ADCY2: variants seen among roughly 807,000 people sequenced by gnomAD.
ADCY2 encodes adenylate cyclase type 2.
In ADCY2, 31 loss-of-function variants were observed where a neutral mutation model predicts 125.2. The ratio of observed to expected loss-of-function variants is 0.25; its 90% CI spans 0.19 to 0.33. The LOEUF (loss-of-function observed/expected upper bound fraction) is 0.33, where lower values mean the gene tolerates loss of function less well. Among genes scored for constraint, ADCY2 ranks in the 10% least tolerant of loss-of-function variants. ADCY2 has a pLI of 1.00. For missense variants in ADCY2, 904 were observed against 1,418.2 expected (o/e 0.64, Z 5.82); for synonymous variants, 512 against 548.4 (o/e 0.93, Z 0.93).
At chr5:7,420,065 G>A (rs147325762) in intron 2 of ADCY2, among the ~76,000 whole-genome samples, 1,711 of 152,222 alleles carry the variant, frequency 0.011, 38 homozygotes, top group African/African-American at 0.039. Flanking sequence ...TGCACCCCCC[G>A]GGGACATGTG....
At chr5:7,559,487 G>A (rs62341555) in intron 3 of ADCY2, among the ~76,000 whole-genome samples, 8,556 of 152,144 alleles carry the variant, frequency 0.056, 297 homozygotes, top group Middle Eastern at 0.11. Flanking sequence ...GACCGTTGTT[G>A]GTGTATAGGA....
At chr5:7,526,397 C>T (rs543613531) in intron 3 of ADCY2, among the ~76,000 whole-genome samples, 3 of 152,018 alleles carry the variant, frequency 2.0e-5, no homozygotes, top group Admixed American at 6.5e-5. Context: ...TTCCAGTGTT[C>T]GGTAGTATGG....
intron 2 of ADCY2, among the ~76,000 whole-genome samples, chr5:7,419,521 G>A (rs1358118224): frequency 1.3e-5 from 2 of 152,294 alleles, no homozygotes; most frequent in South Asian, 2.1e-4. Flanking sequence ...ATCACGTCCT[G>A]CCTGCACAGC....
chr5:7,425,333 A>G (rs1450974010), intron 2 of ADCY2, among the ~76,000 whole-genome samples: 1 of 152,204 alleles, frequency 6.6e-6, no homozygotes, highest in Non-Finnish European at 1.5e-5. Context: ...CTTCTGCATC[A>G]TCTCCCTTGT....
chr5:7,704,542 G>A (rs1741198810), intron 7 of ADCY2, among the ~76,000 whole-genome samples: 2 of 152,048 alleles, frequency 1.3e-5, no homozygotes, highest in Non-Finnish European at 2.9e-5. Flanking sequence ...TGACTTCAAC[G>A]TTTTTCTATA....
intron 3 of ADCY2, among the ~76,000 whole-genome samples, chr5:7,614,782 G>A (rs1174672890): frequency 6.6e-6 from 1 of 152,192 alleles, no homozygotes; most frequent in African/African-American, 2.4e-5. Context: ...CCTGTGCCAG[G>A]ACACAGGTTT....
intron 14 of ADCY2, among the ~76,000 whole-genome samples, chr5:7,741,846 C>CACCATACCATCATCATCCCT: frequency 6.6e-6 from 1 of 151,824 alleles, no homozygotes; most frequent in Non-Finnish European, 1.5e-5. Context: ...TCATCATCGT[C>CACCATACCATCATCATCCCT]ATCACCATCA....
chr5:7,463,010 G>T (rs1741969117), intron 2 of ADCY2, among the ~76,000 whole-genome samples: 1 of 152,208 alleles, frequency 6.6e-6, no homozygotes, highest in East Asian at 1.9e-4. Flanking sequence ...GGAGGGCTTT[G>T]TGATACCTGA....
chr5:7,621,394 CAT>C (rs1487757668), intron 3 of ADCY2, among the ~76,000 whole-genome samples: 3 of 152,360 alleles, frequency 2.0e-5, no homozygotes, highest in Non-Finnish European at 2.9e-5. Flanking sequence ...TAAAAAATAA[CAT>C]GTGTCTCTTT....
chr5:7,816,984 C>A lies in ADCY2; in HGVS notation c.2998+4C>A. 1 of 1,611,310 alleles carries A rather than the reference C, an allele frequency of 6.2e-7. No homozygotes were observed. The highest frequency in any genetic ancestry group is 1.1e-5 in the South Asian group (1 of 91,008). On this transcript the variant is annotated splice_donor_region_variant and intron_variant, in intron 23 of 24. Coordinates refer to ENST00000338316, the MANE Select transcript of ADCY2 (RefSeq NM_020546.3). ...AACGACTTCAAATTGCGAGTGGGTA[C>A]GTTCTGCAAAAGAGGTCTCGGTTTC...
intron 1 of ADCY2, among the ~76,000 whole-genome samples, chr5:7,401,694 T>C (rs1158045183): frequency 4.6e-5 from 7 of 152,224 alleles, no homozygotes; most frequent in Admixed American, 4.6e-4. Flanking sequence ...GTCTGAGAAG[T>C]CCTGGCATAT....
chr5:7,633,201 C>T lies in ADCY2; in HGVS notation c.720+6885C>T, dbSNP rs10042875. ...ATCCCAGCACTTTGGGAGGCCGAGG[C>T]GGGCGGATCACCTGAGGTCAGGAGT... On this transcript the variant is annotated intron_variant, in intron 4 of 24. Transcript: ENST00000338316. Among the ~76,000 whole-genome samples the T allele has an allele frequency of 4.0e-3, 613 of 151,854 alleles. 1 individual carries two copies. The highest frequency in any genetic ancestry group is 0.014 in the African/African-American group (566 of 41,422).
chr5:7,708,714 A>G (rs1027436885), intron 9 of ADCY2, among the ~76,000 whole-genome samples: 15 of 152,194 alleles, frequency 9.9e-5, no homozygotes, highest in African/African-American at 3.6e-4. Flanking sequence ...CAAACTTTCA[A>G]CTAGCTTGAT....
At chr5:7,552,513 G>T (rs1345442873) in intron 3 of ADCY2, among the ~76,000 whole-genome samples, 1 of 152,088 alleles carries the variant, frequency 6.6e-6, no homozygotes, top group Non-Finnish European at 1.5e-5. Context: ...TTTATCTGTT[G>T]TGCCTAACTT....
chr5:7,658,482 G>T (rs890142430), intron 4 of ADCY2, among the ~76,000 whole-genome samples: 2 of 151,246 alleles, frequency 1.3e-5, no homozygotes, highest in African/African-American at 2.4e-5. Context: ...CCAAGCTGGA[G>T]TGCAGTGGTG....
intron 2 of ADCY2, among the ~76,000 whole-genome samples, chr5:7,421,257 A>G (rs1232976753): frequency 6.6e-6 from 1 of 152,244 alleles, no homozygotes; most frequent in Non-Finnish European, 1.5e-5. Flanking sequence ...TAGAACAAAT[A>G]GAAGATATTT....
intron 4 of ADCY2, among the ~76,000 whole-genome samples, chr5:7,645,631 C>T (rs1375669914): frequency 6.6e-6 from 1 of 152,114 alleles, no homozygotes; most frequent in African/African-American, 2.4e-5. Flanking sequence ...ACAACTTTAT[C>T]CCCATCCTTC....
chr5:7,650,026 G>A (rs1739033212), intron 4 of ADCY2, among the ~76,000 whole-genome samples: 1 of 152,148 alleles, frequency 6.6e-6, no homozygotes, highest in African/African-American at 2.4e-5. Flanking sequence ...ATCCAAGCCA[G>A]CATTCTTCTC....
intron 20 of ADCY2, chr5:7,795,217 A>G (rs1423881631): frequency 3.3e-5 from 5 of 152,202 alleles, no homozygotes; most frequent in Non-Finnish European, 7.3e-5. Flanking sequence ...TTTTGAAGCA[A>G]TAATTTAGAT....
Sources: allele counts gnomAD v4.1 joint callset (sites outside exome capture counted in the v4.1 genomes callset), GRCh38; gene constraint gnomAD v4.1.1; transcripts MANE v1.5; gene names NCBI Gene and HGNC (gene_info 2026-07-23, HGNC 2026-07-21).